PTPRD: variants seen among roughly 807,000 people sequenced by gnomAD.
The protein encoded by PTPRD is receptor-type tyrosine-protein phosphatase delta.
Under a neutral mutation model 214.5 loss-of-function variants are expected in PTPRD, and 34 were observed. The observed-to-expected ratio is 0.16, with a 90% CI of 0.12 to 0.21. PTPRD has a LOEUF of 0.21. Ranked by LOEUF, PTPRD falls within the 10% of genes least tolerant of loss-of-function variation. PTPRD has a pLI of 1.00. For missense variants in PTPRD, 2,545 were observed against 2,398.7 expected, an observed-to-expected ratio of 1.06 and a Z score of -1.27; for synonymous variants, 1,128 against 845.7, an observed-to-expected ratio of 1.33 and a Z score of -5.79.
chr9:9,625,947 T>A (rs1013198876), intron 7 of PTPRD, among the ~76,000 whole-genome samples: 3 of 152,118 alleles, frequency 2.0e-5, no homozygotes, highest in Non-Finnish European at 4.4e-5. Context: ...TTTTTGTCCT[T>A]GTGGGCCATA....
intron 8 of PTPRD, among the ~76,000 whole-genome samples, chr9:9,447,558 A>C (rs2090857234): frequency 6.6e-6 from 1 of 152,058 alleles, no homozygotes; most frequent in Non-Finnish European, 1.5e-5. Flanking sequence ...AGGAAAAATA[A>C]CTAATGGGTA....
chr9:9,281,496 C>T (rs1013999190), intron 9 of PTPRD, among the ~76,000 whole-genome samples: 4 of 151,266 alleles, frequency 2.6e-5, no homozygotes, highest in African/African-American at 9.7e-5. Context: ...TATGAAAAAT[C>T]TTTTAACATC....
At chr9:9,405,748 G>A (rs1256718873) in intron 8 of PTPRD, among the ~76,000 whole-genome samples, 1 of 152,028 alleles carries the variant, frequency 6.6e-6, no homozygotes, top group East Asian at 1.9e-4. Context: ...GGGGGAGACA[G>A]TTTAACAAAA....
At chr9:10,567,782 T>C (rs1345380656) in intron 2 of PTPRD, among the ~76,000 whole-genome samples, 1 of 151,958 alleles carries the variant, frequency 6.6e-6, no homozygotes, top group East Asian at 1.9e-4. Flanking sequence ...GTTCAGTATT[T>C]AACCTTCTAA....
chr9:10,500,182 A>G (rs1477534163), intron 2 of PTPRD, among the ~76,000 whole-genome samples: 2 of 151,930 alleles, frequency 1.3e-5, no homozygotes, highest in Non-Finnish European at 2.9e-5. Context: ...TATGTATTAC[A>G]TTTGGTTCTT....
rs559200311 is a variant in PTPRD at position 10,544,001 on chromosome 9, T to C, written c.-600+68397A>G. On this transcript the variant is annotated intron_variant, in intron 2 of 45. Coordinates refer to ENST00000381196, the MANE Select transcript of PTPRD (RefSeq NM_002839.4). ...CCCAATGAATGCATGTCTCAAGATC[T>C]GACCACTATTTCAACATTTTTCACA... 4.6e-5 allele frequency among the ~76,000 whole-genome samples: 7 copies of C among 152,278 alleles called. No homozygotes were observed. The South Asian group carries it at 1.2e-3, about 27-fold the overall frequency.
rs540757705 is a variant in PTPRD, at chr9:10,349,749, T to C, written c.-599-8732A>G. On this transcript the variant is annotated intron_variant, in intron 2 of 45. Coordinates refer to ENST00000381196, the MANE Select transcript of PTPRD (RefSeq NM_002839.4). ...AAATCACCTTTGGTAGGCTGAATAA[T>C]TGCATCACAAAGAAGTCCACATGAT... Among the ~76,000 whole-genome samples, 16 of 152,286 alleles carry C rather than the reference T, an allele frequency of 1.1e-4. No homozygotes were observed. In the South Asian group the frequency reaches 3.3e-3, roughly 32 times the overall value.
intron 3 of PTPRD, among the ~76,000 whole-genome samples, chr9:10,058,635 C>T (rs1382890846): frequency 6.6e-6 from 1 of 151,966 alleles, no homozygotes; most frequent in Admixed American, 6.6e-5. Flanking sequence ...GCAATATGGG[C>T]CAATTAGATT....
chr9:9,905,832 T>A (rs1166751131), intron 5 of PTPRD, among the ~76,000 whole-genome samples: 1 of 151,956 alleles, frequency 6.6e-6, no homozygotes, highest in African/African-American at 2.4e-5. Context: ...AAGAGAGAAC[T>A]AAACAGAACA....
chr9:9,053,271 C>T (rs1436597605), intron 10 of PTPRD, among the ~76,000 whole-genome samples: 2 of 151,950 alleles, frequency 1.3e-5, no homozygotes, highest in African/African-American at 4.8e-5. Context: ...TTAGTTCTAC[C>T]ACTTAGGAAT....
intron 9 of PTPRD, among the ~76,000 whole-genome samples, chr9:9,340,148 A>C (rs1412314663): frequency 1.3e-5 from 2 of 152,158 alleles, no homozygotes; most frequent in Admixed American, 6.5e-5. Flanking sequence ...AAAGACAGTA[A>C]AGTGATACTG....
chr9:10,593,096 G>C (rs1299330554), intron 2 of PTPRD, among the ~76,000 whole-genome samples: 4 of 151,982 alleles, frequency 2.6e-5, no homozygotes, highest in African/African-American at 9.7e-5. Flanking sequence ...AAGGAACCAA[G>C]TCCAGACACA....
intron 2 of PTPRD, among the ~76,000 whole-genome samples, chr9:10,375,187 T>A (rs146385043): frequency 6.6e-6 from 1 of 152,068 alleles, no homozygotes; most frequent in Non-Finnish European, 1.5e-5. Context: ...CTGGGGCAAG[T>A]AACTAAATTT....
chr9:8,576,368 T>C (rs2154244422), intron 14 of PTPRD, among the ~76,000 whole-genome samples: 1 of 152,278 alleles, frequency 6.6e-6, no homozygotes, highest in East Asian at 1.9e-4. Flanking sequence ...CTCTTACTGA[T>C]ATTTGTGGGG....
intron 8 of PTPRD, among the ~76,000 whole-genome samples, chr9:9,516,608 G>A (rs1331830951): frequency 6.6e-6 from 1 of 151,760 alleles, no homozygotes; most frequent in Admixed American, 6.6e-5. Context: ...CACTAACTAA[G>A]CTAACTGCAA....
intron 3 of PTPRD, among the ~76,000 whole-genome samples, chr9:10,143,070 A>G (rs1195033712): frequency 2.0e-5 from 3 of 152,116 alleles, no homozygotes; most frequent in Non-Finnish European, 4.4e-5. Flanking sequence ...TGGGAATTGA[A>G]CAATGAGAAA....
intron 9 of PTPRD, among the ~76,000 whole-genome samples, chr9:9,265,138 C>G (rs1045721165): frequency 6.6e-6 from 1 of 151,610 alleles, no homozygotes; most frequent in Non-Finnish European, 1.5e-5. Context: ...ACAAAATATT[C>G]TTTTACTGTA....
chr9:8,911,675 A>G (rs1331736154), intron 11 of PTPRD, among the ~76,000 whole-genome samples: 1 of 152,172 alleles, frequency 6.6e-6, no homozygotes. Flanking sequence ...CAATAGGTGA[A>G]CTTGAGCAAA....
At chr9:8,368,888 T>C (rs954805532) in intron 39 of PTPRD, among the ~76,000 whole-genome samples, 12 of 152,118 alleles carry the variant, frequency 7.9e-5, no homozygotes, top group African/African-American at 2.9e-4. Context: ...CATGGCATAA[T>C]TATTTTTCCT....
Sources: gnomAD v4.1 joint callset for allele counts (sites outside exome capture counted in the v4.1 genomes callset) on GRCh38, gnomAD v4.1.1 for gene constraint, MANE v1.5 for transcripts, NCBI Gene and HGNC (gene_info 2026-07-23, HGNC 2026-07-21) for gene names.